The following GNA13 variants were observed in gnomAD, a reference collection of about 807,000 sequenced individuals.
The protein encoded by GNA13 is G protein subunit alpha 13.
GNA13 carries 4 observed loss-of-function variants against 33.5 expected under a neutral mutation model. The observed-to-expected ratio is 0.12, with a 90% CI of 0.06 to 0.27. The LOEUF (loss-of-function observed/expected upper bound fraction) is 0.27. Among genes scored for constraint, GNA13 ranks in the 10% least tolerant of loss-of-function variants. The pLI, the probability that GNA13 is intolerant of heterozygous loss-of-function variation, is 1.00. For missense variants in GNA13, 319 were observed against 487.2 expected, an observed-to-expected ratio of 0.65 and a Z score of 3.25; for synonymous variants, 176 against 183.8, an observed-to-expected ratio of 0.96 and a Z score of 0.34.
intron 1 of GNA13, 82 bp downstream of exon 1, chr17:65,056,229 C>T: frequency 2.1e-6 from 2 of 968,156 alleles, no homozygotes; most frequent in South Asian, 1.6e-5. Flanking sequence ...ACACAGCGGA[C>T]CAGGGCGGTG....
chr17:65,015,756 C>CT (rs1450572593), intron 3 of GNA13, among the ~76,000 whole-genome samples: 1 of 151,296 alleles, frequency 6.6e-6, no homozygotes, highest in Non-Finnish European at 1.5e-5. Flanking sequence ...GCCCACCTCT[C>CT]TCTAACCTAT....
chr17:65,042,982 T>C (rs780396306), intron 2 of GNA13, among the ~76,000 whole-genome samples: 2 of 152,144 alleles, frequency 1.3e-5, no homozygotes, highest in Non-Finnish European at 2.9e-5. Context: ...AATAATATGG[T>C]TAATACAAGT....
chr17:65,030,353 A>T (rs1340018068), intron 2 of GNA13, among the ~76,000 whole-genome samples: 1 of 152,264 alleles, frequency 6.6e-6, no homozygotes, highest in Non-Finnish European at 1.5e-5. Context: ...CTGGTGAAGA[A>T]TCACAGATCA....
chr17:65,023,682 TAAAAC>T (rs1906670868), intron 2 of GNA13, among the ~76,000 whole-genome samples: 1 of 152,194 alleles, frequency 6.6e-6, no homozygotes, highest in African/African-American at 2.4e-5. Context: ...TGTCAAAAGT[TAAAAC>T]AAAAAGTGAG....
chr17:65,014,215 C>A lies in GNA13; in HGVS notation c.*42G>T. 8.4e-7 allele frequency: 1 copy of A among 1,191,240 alleles called. No homozygotes were observed. Among genetic ancestry groups the A allele is most frequent in the South Asian group, 1.4e-5 (1 of 73,442 alleles). The allele number at this position is 1,191,240 out of a possible 1,614,324, so 73.8% of individuals were successfully genotyped here. A position where few individuals can be genotyped will look rare whatever the true frequency, so the allele number is the denominator to read the frequency against. On this transcript the variant is annotated 3_prime_UTR_variant, in exon 4 of 4. Transcript: ENST00000439174. This position sits in a 1 kb window ranked among gnomAD's most constrained non-coding sequence, Gnocchi z 5.3. Reference sequence around the variant, plus strand: ...AAAAAACAAAACAAACAGAAAACATCAAAAACACAAAAAGATATTAAAACA... The same window carrying A: ...AAAAAACAAAACAAACAGAAAACATAAAAAACACAAAAAGATATTAAAACA...
chr17:65,021,322 C>T (rs937089069), intron 2 of GNA13, among the ~76,000 whole-genome samples: 13 of 152,146 alleles, frequency 8.5e-5, no homozygotes, highest in South Asian at 2.1e-4. Flanking sequence ...ACGAGTTTTA[C>T]AAAATGGTGT....
Position 65,013,690 on chromosome 17 carries a change from CA to C in GNA13, c.*566del, listed in dbSNP as rs1487901569. ...CTTCAGAAACACAGAAATCTAAAAG[CA>C]AAACAGCTGTTGTGTATACAAGCAA... On this transcript the variant is annotated 3_prime_UTR_variant, in exon 4 of 4. Coordinates refer to ENST00000439174, the MANE Select transcript of GNA13 (RefSeq NM_006572.6). The C allele has an allele frequency of 4.8e-6, 1 of 208,662 alleles. No homozygotes were observed. Among genetic ancestry groups the C allele is most frequent in the African/African-American group, 2.3e-5 (1 of 43,958 alleles). The allele number at this position is 208,662 out of a possible 1,614,324, so 12.9% of individuals were successfully genotyped here.
intron 2 of GNA13, among the ~76,000 whole-genome samples, chr17:65,029,992 G>A (rs961002507): frequency 3.3e-5 from 5 of 152,090 alleles, no homozygotes; most frequent in Non-Finnish European, 5.9e-5. Context: ...CATAAAGTGC[G>A]TGACTCTTTT....
intron 2 of GNA13, among the ~76,000 whole-genome samples, chr17:65,028,365 C>T (rs1319336087): frequency 1.3e-5 from 2 of 148,820 alleles, no homozygotes; most frequent in East Asian, 2.0e-4. Context: ...GTTGAGATCA[C>T]GCCACTGCAC....
intron 2 of GNA13, among the ~76,000 whole-genome samples, chr17:65,048,647 G>C (rs1907754608): frequency 6.6e-6 from 1 of 152,064 alleles, no homozygotes; most frequent in African/African-American, 2.4e-5. Flanking sequence ...TGGGAACTTA[G>C]AAAGAAAAAC....
intron 2 of GNA13, among the ~76,000 whole-genome samples, chr17:65,044,562 A>G (rs1907584512): frequency 6.6e-6 from 1 of 152,026 alleles, no homozygotes; most frequent in Admixed American, 6.6e-5. Context: ...GCACTTTGGG[A>G]GGCCAAGGTG....
rs545639161 is a variant in GNA13, at chr17:65,010,740, G to C, written c.*3517C>G. On this transcript the variant is annotated 3_prime_UTR_variant, in exon 4 of 4. Transcript: ENST00000439174. Reference sequence around the variant, plus strand: ...TGACTTTCTCTAAATTTATTAGGGAGTTTGTTACAAATGTTTGGGCTTTAC... The same window carrying C: ...TGACTTTCTCTAAATTTATTAGGGACTTTGTTACAAATGTTTGGGCTTTAC... 61 of 209,944 alleles carry C rather than the reference G, an allele frequency of 2.9e-4. No individual in the cohort carries two copies. The highest frequency in any genetic ancestry group is 1.3e-3 in the African/African-American group (57 of 44,200). 13.0% of individuals were successfully genotyped at this position (209,944 alleles called of 1,614,324 possible).
At chr17:65,017,910 A>G (rs76235163) in intron 3 of GNA13, among the ~76,000 whole-genome samples, 2,989 of 152,078 alleles carry the variant, frequency 0.02, 105 homozygotes, top group African/African-American at 0.068. Context: ...TTTTACTTCC[A>G]AGAAATAGCA....
chr17:65,053,332 TTAGAGAC>T lies in GNA13; in HGVS notation c.510+163_510+169del, dbSNP rs577969071. On this transcript the variant is annotated intron_variant, in intron 2 of 3. Transcript: ENST00000439174. ...TATACACTATTTTTACACGTAGTCA[TTAGAGAC>T]TAGGACACATTAGGTCTGTGCCTTA... 5.4e-4 allele frequency: 322 copies of T among 592,948 alleles called. 2 individuals carry two copies. Among genetic ancestry groups the T allele is most frequent in the African/African-American group, 5.2e-3 (279 of 54,012 alleles). The allele number at this position is 592,948 out of a possible 1,614,324, so 36.7% of individuals were successfully genotyped here.
At position 65,053,600 on chromosome 17, in the gene GNA13, C is replaced by T; in HGVS notation, c.412G>A (p.Glu138Lys). 6.2e-7 allele frequency: 1 copy of T among 1,613,670 alleles called. No homozygotes were observed. Among genetic ancestry groups the T allele is most frequent in the Non-Finnish European group, 8.5e-7 (1 of 1,179,574 alleles). Residue 138 changes from glutamate to lysine, a missense_variant, in exon 2 of 4, where the codon GAA becomes AAA. Coordinates refer to ENST00000439174, the MANE Select transcript of GNA13 (RefSeq NM_006572.6). ...RAPMAAQGMVETRVFLQYLPA... is the reference protein window; with the variant it reads ...RAPMAAQGMVKTRVFLQYLPA... ...AGATATTGTAAGAAAACCCTTGTTT[C>T]CACCATTCCTTGGGCTGCCATGGGG...
intron 2 of GNA13, among the ~76,000 whole-genome samples, chr17:65,035,781 A>ATT (rs367585696): frequency 8.2e-5 from 12 of 146,828 alleles, no homozygotes; most frequent in Admixed American, 1.4e-4. Flanking sequence ...TTCGTTGTTA[A>ATT]TTTTTTTTTT....
At position 65,012,711 on chromosome 17, in the gene GNA13, A is replaced by G. The variant is rs563319900; in HGVS notation, c.*1546T>C. On this transcript the variant is annotated 3_prime_UTR_variant, in exon 4 of 4. Coordinates refer to ENST00000439174, the MANE Select transcript of GNA13 (RefSeq NM_006572.6). Reference sequence around the variant, plus strand: ...CTGACTTGGAAAGGCTGGGTGATCCATAACGACCAATCTTTCAAGGACCAA... The same window carrying G: ...CTGACTTGGAAAGGCTGGGTGATCCGTAACGACCAATCTTTCAAGGACCAA... 1 of 227,898 alleles carries G rather than the reference A, an allele frequency of 4.4e-6. No individual in the cohort carries two copies. The highest frequency in any genetic ancestry group is 8.7e-6 in the Non-Finnish European group (1 of 114,726). 14.1% of individuals were successfully genotyped at this position (227,898 alleles called of 1,614,324 possible).
rs1906769150 is a variant in GNA13 at position 65,026,021 on chromosome 17, A to AG, written c.511-7719_511-7718insC. ...TGATGAAAACAGCAGATAAGACACAACAAAAAAAATTATAAGTAATGTATA... is the reference window on the plus strand; with the variant it reads ...TGATGAAAACAGCAGATAAGACACAAGCAAAAAAAATTATAAGTAATGTATA... On this transcript the variant is annotated intron_variant, in intron 2 of 3. Transcript: ENST00000439174. Among the ~76,000 whole-genome samples, 22 of 152,192 alleles carry AG rather than the reference A, an allele frequency of 1.4e-4. No homozygotes were observed. In the South Asian group the frequency reaches 4.6e-3, roughly 32 times the overall value.
chr17:65,014,145 C>A lies in GNA13; in HGVS notation c.*112G>T. The A allele has an allele frequency of 1.5e-6, 1 of 662,356 alleles. No individual in the cohort carries two copies. The highest frequency in any genetic ancestry group is 2.1e-5 in the South Asian group (1 of 47,190). The allele number at this position is 662,356 out of a possible 1,614,324, so 41.0% of individuals were successfully genotyped here. A position where few individuals can be genotyped will look rare whatever the true frequency, so the allele number is the denominator to read the frequency against. On this transcript the variant is annotated 3_prime_UTR_variant, in exon 4 of 4. Transcript: ENST00000439174. This position sits in a 1 kb window ranked among gnomAD's most constrained non-coding sequence, Gnocchi z 5.3. ...GTACTAAGATTTTCAAGAAGTTAAACGTAGAATTAAGATTGTTCTAATTCT... is the reference window on the plus strand; with the variant it reads ...GTACTAAGATTTTCAAGAAGTTAAAAGTAGAATTAAGATTGTTCTAATTCT...
Sources: gnomAD v4.1 joint callset for allele counts (sites outside exome capture counted in the v4.1 genomes callset) on GRCh38, gnomAD v4.1.1 for gene constraint, Gnocchi (gnomAD v3.1) non-coding constraint, MANE v1.5 for transcripts, NCBI Gene and HGNC (gene_info 2026-07-23, HGNC 2026-07-21) for gene names.